GULP1: variants seen among roughly 807,000 people sequenced by gnomAD.
GULP1 encodes GULP PTB domain containing engulfment adaptor 1.
GULP1 carries 19 observed loss-of-function variants against 40.9 expected under a neutral mutation model. The observed-to-expected ratio is 0.46, with a 90% CI of 0.32 to 0.68. The LOEUF (loss-of-function observed/expected upper bound fraction) is 0.68. Among genes scored for constraint, GULP1 ranks in the 30% least tolerant of loss-of-function variants. The probability of loss-of-function intolerance (pLI) is 0.03; values close to 1 mark genes in which losing one functional copy is unlikely to be tolerated. For synonymous variants in GULP1, 119 were observed against 117.6 expected, an observed-to-expected ratio of 1.01 and a Z score of -0.08; for missense variants, 312 against 362.2, an observed-to-expected ratio of 0.86 and a Z score of 1.12.
intron 1 of GULP1, among the ~76,000 whole-genome samples, chr2:188,370,211 A>G (rs2047418552): frequency 6.6e-6 from 1 of 152,016 alleles, no homozygotes; most frequent in Admixed American, 6.6e-5. Flanking sequence ...CCAGCAGGAG[A>G]ATGGGGGATG....
Position 188,593,988 on chromosome 2 carries a change from G to A in GULP1, c.892G>A (p.Asp298Asn), listed in dbSNP as rs369009419. The change falls in exon 12 of 12, where the codon GAC (aspartate) becomes AAC (asparagine). Residue 298 changes from aspartate to asparagine, a missense_variant. Asp to Asn is a conservative substitution (Grantham distance 23). Transcript: ENST00000409830. ...LTLEGTVFCL[D>N]PLDSRC is the part of the protein sequence containing the mutation. ...TCTTGAAGGCACAGTATTTTGTCTC[G>A]ACCCGTTAGACAGTAGGTGCTGACA... 45 of 1,595,948 alleles carry A rather than the reference G, an allele frequency of 2.8e-5. No homozygotes were observed. The highest frequency in any genetic ancestry group is 4.5e-5 in the East Asian group (2 of 44,640).
At chr2:188,421,958 A>ATT in intron 2 of GULP1, among the ~76,000 whole-genome samples, 1 of 152,266 alleles carries the variant, frequency 6.6e-6, no homozygotes, top group East Asian at 1.9e-4. Context: ...AAGAAAAAGT[A>ATT]TCGGACCAAA....
intron 1 of GULP1, among the ~76,000 whole-genome samples, chr2:188,357,990 C>G (rs1057047796): frequency 6.6e-6 from 1 of 152,058 alleles, no homozygotes; most frequent in African/African-American, 2.4e-5. Context: ...ACCAGCCAGG[C>G]CAACATGGCG....
At chr2:188,381,451 T>G (rs1440508721) in intron 1 of GULP1, among the ~76,000 whole-genome samples, 1 of 152,150 alleles carries the variant, frequency 6.6e-6, no homozygotes, top group East Asian at 1.9e-4. Context: ...TTTATTAAAT[T>G]TTGGAATTAG....
intron 2 of GULP1, among the ~76,000 whole-genome samples, chr2:188,476,020 G>C (rs1039069050): frequency 6.6e-6 from 1 of 152,164 alleles, no homozygotes; most frequent in Non-Finnish European, 1.5e-5. Context: ...TAGGTTTCAA[G>C]AAGAGCGGCA....
intron 1 of GULP1, among the ~76,000 whole-genome samples, chr2:188,337,935 A>G (rs910005007): frequency 6.6e-6 from 1 of 152,154 alleles, no homozygotes; most frequent in African/African-American, 2.4e-5. Flanking sequence ...CACTAGATCC[A>G]TGAGATTAAT....
intron 4 of GULP1, among the ~76,000 whole-genome samples, chr2:188,514,080 T>TGTGTGTGTGTGTGTGTGTGC (rs1553577868): frequency 6.7e-6 from 1 of 148,658 alleles, no homozygotes; most frequent in Non-Finnish European, 1.5e-5. Flanking sequence ...TGTGTGTGTG[T>TGTGTGTGTGTGTGTGTGTGC]GTGCGCCCTG....
intron 2 of GULP1, among the ~76,000 whole-genome samples, chr2:188,400,923 T>TTGTGTGTGTGTGTGTGTGTGTGTG: frequency 7.2e-6 from 1 of 139,642 alleles, no homozygotes; most frequent in South Asian, 2.3e-4. Flanking sequence ...AGTGGTGTGT[T>TTGTGTGTGTGTGTGTGTGTGTGTG]TGTGTGTGTG....
At chr2:188,454,033 G>A (rs2059049244) in intron 2 of GULP1, among the ~76,000 whole-genome samples, 1 of 152,166 alleles carries the variant, frequency 6.6e-6, no homozygotes, top group Non-Finnish European at 1.5e-5. Flanking sequence ...GGCTGGCAAG[G>A]CCCCCCTGCT....
chr2:188,372,495 C>T (rs1210901893), intron 1 of GULP1, among the ~76,000 whole-genome samples: 1 of 152,074 alleles, frequency 6.6e-6, no homozygotes, highest in African/African-American at 2.4e-5. Flanking sequence ...CATGTCATAA[C>T]TTCTCCTGGA....
At chr2:188,520,405 G>A (rs778257631) in intron 4 of GULP1, among the ~76,000 whole-genome samples, 5 of 151,748 alleles carry the variant, frequency 3.3e-5, no homozygotes, top group East Asian at 1.9e-4. Flanking sequence ...GCGTGGTGGC[G>A]CGTTCCTGTA....
chr2:188,456,232 A>C (rs1214293481), intron 2 of GULP1, among the ~76,000 whole-genome samples: 3 of 152,182 alleles, frequency 2.0e-5, no homozygotes, highest in African/African-American at 7.2e-5. Context: ...TTGCATAAGA[A>C]TGTTAATCAC....
intron 6 of GULP1, among the ~76,000 whole-genome samples, chr2:188,538,469 A>G (rs1368935239): frequency 6.6e-6 from 1 of 152,160 alleles, no homozygotes; most frequent in Non-Finnish European, 1.5e-5. Context: ...GATATTTTAT[A>G]CATTCAATTA....
At chr2:188,405,922 A>C (rs942001357) in intron 2 of GULP1, among the ~76,000 whole-genome samples, 1 of 152,202 alleles carries the variant, frequency 6.6e-6, no homozygotes, top group African/African-American at 2.4e-5. Context: ...ACATGACATC[A>C]CATGATAAAA....
At chr2:188,347,528 T>TATATATTAAGTCAGCTTAATATATAGTC (rs1456552436) in intron 1 of GULP1, among the ~76,000 whole-genome samples, 21 of 152,252 alleles carry the variant, frequency 1.4e-4, no homozygotes, top group African/African-American at 4.8e-4. Flanking sequence ...GTGACTTAAC[T>TATATATTAAGTCAGCTTAATATATAGTC]ATATATTAAG....
intron 1 of GULP1, among the ~76,000 whole-genome samples, chr2:188,308,118 T>C (rs2037443163): frequency 3.4e-5 from 1 of 29,420 alleles, no homozygotes; most frequent in Non-Finnish European, 7.2e-5. Context: ...AGGTCATTTT[T>C]TTTTTTCCCC....
chr2:188,585,314 G>T (rs572260224), intron 10 of GULP1, among the ~76,000 whole-genome samples: 2 of 152,166 alleles, frequency 1.3e-5, no homozygotes, highest in East Asian at 3.9e-4. Flanking sequence ...CCATTCGGGG[G>T]TCTGAAAGAC....
intron 2 of GULP1, among the ~76,000 whole-genome samples, chr2:188,396,662 C>T (rs979537955): frequency 6.6e-6 from 1 of 152,218 alleles, no homozygotes; most frequent in African/African-American, 2.4e-5. Context: ...GGACGTCCAG[C>T]TCCTGTATTC....
In GULP1 at chr2:188,334,065, T is replaced by A. The variant is rs2041961690; in HGVS notation, c.-172+41899T>A. 1.3e-5 allele frequency among the ~76,000 whole-genome samples: 2 copies of A among 152,150 alleles called. 1 individual carries two copies. Among genetic ancestry groups the A allele is most frequent in the Admixed American group, 1.3e-4 (2 of 15,274 alleles). ...CACCCCAACGCTGAACTCCTTGCCC[T>A]TTTTAAATGTTCTTCTGACAGCTGG... is the stretch of plus-strand genomic sequence containing the variant. On this transcript the variant is annotated intron_variant, in intron 1 of 11. Transcript: ENST00000409830.
Sources: gnomAD v4.1 joint callset for allele counts (sites outside exome capture counted in the v4.1 genomes callset) on GRCh38, gnomAD v4.1.1 for gene constraint, MANE v1.5 for transcripts, NCBI Gene and HGNC (gene_info 2026-07-23, HGNC 2026-07-21) for gene names.